HEATR5A: variants seen among roughly 807,000 people sequenced by gnomAD.
The protein encoded by HEATR5A is HEAT repeat containing 5A.
HEATR5A carries 178 observed loss-of-function variants against 218.8 expected under a neutral mutation model. The observed-to-expected ratio is 0.81, with a 90% CI of 0.72 to 0.92. HEATR5A has a LOEUF of 0.92. Ranked by LOEUF, HEATR5A falls within the 40% of genes least tolerant of loss-of-function variation. HEATR5A has a pLI of 0.00. For synonymous variants in HEATR5A, 864 were observed against 871.6 expected, an observed-to-expected ratio of 0.99 and a Z score of 0.15; for missense variants, 2,420 against 2,418.9, an observed-to-expected ratio of 1.00 and a Z score of -0.01.
chr14:31,393,920 T>C (rs2030549883), intron 6 of HEATR5A, 132 bp downstream of exon 6: 2 of 640,850 alleles, frequency 3.1e-6, no homozygotes, highest in African/African-American at 1.9e-5. Context: ...AGTGCTGGGA[T>C]TACAGGTGTG....
chr14:31,412,676 AG>A (rs2031316434), intron 1 of HEATR5A, among the ~76,000 whole-genome samples: 1 of 151,980 alleles, frequency 6.6e-6, no homozygotes, highest in African/African-American at 2.4e-5. Context: ...GGATCACCTG[AG>A]GTCAGGAGTT....
At chr14:31,363,214 G>A (rs1470680131) in intron 14 of HEATR5A, among the ~76,000 whole-genome samples, 3 of 151,630 alleles carry the variant, frequency 2.0e-5, no homozygotes, top group East Asian at 1.9e-4. Context: ...ACTCCAGCCT[G>A]GGGGACAGAG....
chr14:31,406,303 T>C (rs972060407), intron 1 of HEATR5A, among the ~76,000 whole-genome samples: 22 of 152,202 alleles, frequency 1.4e-4, no homozygotes, highest in Admixed American at 6.5e-5. Flanking sequence ...TAAATATATT[T>C]TTCAAAGTAT....
intron 2 of HEATR5A, among the ~76,000 whole-genome samples, chr14:31,402,397 C>A (rs557384499): frequency 2.4e-4 from 36 of 152,214 alleles, no homozygotes; most frequent in African/African-American, 8.2e-4. Context: ...CTTTTTCACA[C>A]TCATGTCATA....
chr14:31,351,968 T>TA (rs934775337), intron 16 of HEATR5A, among the ~76,000 whole-genome samples: 2 of 152,128 alleles, frequency 1.3e-5, no homozygotes, highest in Admixed American at 1.3e-4. Flanking sequence ...ATACACATAC[T>TA]AAAATTTATT....
At chr14:31,298,703 CT>C (rs1192343576) in intron 33 of HEATR5A, among the ~76,000 whole-genome samples, 7 of 152,070 alleles carry the variant, frequency 4.6e-5, no homozygotes, top group Admixed American at 2.6e-4. Flanking sequence ...AATTTTATTC[CT>C]TCTGCCTAGA....
At chr14:31,320,456 G>A (rs74043921) in intron 25 of HEATR5A, 2 of 1,363,706 alleles carry the variant, frequency 1.5e-6, no homozygotes, top group African/African-American at 2.9e-5. Context: ...AGTGTCCCGG[G>A]AGACAACACT....
At chr14:31,380,659 A>G in intron 10 of HEATR5A, 81 bp from the exon 11 acceptor site, 3 of 844,304 alleles carry the variant, frequency 3.6e-6, no homozygotes, top group Non-Finnish European at 5.7e-6. Context: ...AATATCTTGA[A>G]AAATTAATTC....
chr14:31,394,088 ATAT>A lies in HEATR5A; in HGVS notation c.733_735del (p.Ile245del). The A allele has an allele frequency of 6.5e-7, 1 of 1,532,952 alleles. No homozygotes were observed. Among genetic ancestry groups the A allele is most frequent in the South Asian group, 1.2e-5 (1 of 83,354 alleles). 95.0% of individuals were successfully genotyped at this position (1,532,952 alleles called of 1,614,324 possible). Reference sequence around the variant, plus strand: ...TGTTTAGAAATTACAGCTTTAGCTAATATTATGCCTAGTAACTTTGAAACAGAA... The same window carrying A: ...TGTTTAGAAATTACAGCTTTAGCTAATATGCCTAGTAACTTTGAAACAGAA... On this transcript the variant is annotated inframe_deletion, in exon 6 of 36. Coordinates refer to ENST00000543095, the MANE Select transcript of HEATR5A (RefSeq NM_015473.4).
intron 21 of HEATR5A, among the ~76,000 whole-genome samples, chr14:31,342,006 C>T (rs1033737305): frequency 2.6e-5 from 4 of 152,110 alleles, no homozygotes; most frequent in African/African-American, 9.7e-5. Context: ...CCTGTAAGTG[C>T]TGTTTTCCCT....
intron 25 of HEATR5A, chr14:31,320,520 GTT>G: frequency 8.5e-7 from 1 of 1,175,714 alleles, no homozygotes; most frequent in Non-Finnish European, 1.3e-6. Context: ...TAGGAAGGCT[GTT>G]TAGATGAATT....
Position 31,380,507 on chromosome 14 carries a change from T to C in HEATR5A, c.1668A>G (p.Thr556=), listed in dbSNP as rs372688180. The part of the protein sequence containing the change: ...AQNSRLSAQR[T]QAGWLLISAL... ...CAGAAATCAGCAACCATCCAGCTTG[T>C]GTGCGCTGAGCTGAAAGGCGACTGT... Residue 556 remains threonine (T), a synonymous_variant, in exon 11 of 36, where the codon ACA becomes ACG. Transcript: ENST00000543095. The C allele has an allele frequency of 3.2e-5, 52 of 1,609,236 alleles. No homozygotes were observed. Among genetic ancestry groups the C allele is most frequent in the Non-Finnish European group, 4.1e-5 (48 of 1,177,816 alleles).
rs1566754088 is a variant in HEATR5A at position 31,323,618 on chromosome 14, C to G, written c.3734G>C (p.Ser1245Thr). 6.2e-7 allele frequency: 1 copy of G among 1,612,230 alleles called. No homozygotes were observed. The highest frequency in any genetic ancestry group is 2.2e-5 in the East Asian group (1 of 44,836). ...RIINQCENAN[S>T]AHFDIALAQE... ...TGCTAAAGCAATGTCAAAATGTGCA[C>G]TGTTAGCATTCTCACATTGGTTAAT... The change falls in exon 24 of 36, where the codon AGT (serine) becomes ACT (threonine). Residue 1245 changes from serine (S) to threonine (T), a missense_variant. Transcript: ENST00000543095.
chr14:31,304,103 G>A (rs772504383), intron 32 of HEATR5A, among the ~76,000 whole-genome samples: 1 of 152,134 alleles, frequency 6.6e-6, no homozygotes, highest in Non-Finnish European at 1.5e-5. Context: ...TAACTACTCA[G>A]GAGGCCAAGA....
chr14:31,377,648 G>C (rs941180582), intron 11 of HEATR5A, among the ~76,000 whole-genome samples: 3 of 151,962 alleles, frequency 2.0e-5, no homozygotes, highest in South Asian at 2.1e-4. Flanking sequence ...CAGGCAGGGT[G>C]GTGCACACAG....
chr14:31,393,137 A>T (rs965238878), intron 6 of HEATR5A, among the ~76,000 whole-genome samples: 2 of 152,116 alleles, frequency 1.3e-5, no homozygotes, highest in Admixed American at 6.6e-5. Flanking sequence ...ATGCTGCTTT[A>T]AAAAAAAGAA....
At chr14:31,419,267 CTGCT>C (rs922799374) in intron 1 of HEATR5A, among the ~76,000 whole-genome samples, 15 of 151,892 alleles carry the variant, frequency 9.9e-5, no homozygotes, top group African/African-American at 3.1e-4. Context: ...TAAATCCTGC[CTGCT>C]TATCAGTGAA....
chr14:31,380,429 A>T, intron 11 of HEATR5A, 38 bp downstream of exon 11: 1 of 1,257,516 alleles, frequency 8.0e-7, no homozygotes, highest in Non-Finnish European at 1.1e-6. Context: ...GAAAACACAA[A>T]GTATTTCAAG....
rs1248564118 is a variant in HEATR5A, at chr14:31,292,228, T to C, written c.*1077A>G. 1 of 152,334 alleles carries C rather than the reference T, an allele frequency of 6.6e-6. No individual in the cohort carries two copies. The highest frequency in any genetic ancestry group is 1.9e-4 in the East Asian group (1 of 5,188). 9.4% of individuals were successfully genotyped at this position (152,334 alleles called of 1,614,324 possible). A position where few individuals can be genotyped will look rare whatever the true frequency, so the allele number is the denominator to read the frequency against. ...AAACCCATAGTTGATCTAAATACAA[T>C]GTAGATATGAACCTAGGTTAAAACT... On this transcript the variant is annotated 3_prime_UTR_variant, in exon 36 of 36. Coordinates refer to ENST00000543095, the MANE Select transcript of HEATR5A (RefSeq NM_015473.4).
Sources: gnomAD v4.1 joint callset for allele counts (sites outside exome capture counted in the v4.1 genomes callset) on GRCh38, gnomAD v4.1.1 for gene constraint, MANE v1.5 for transcripts, NCBI Gene and HGNC (gene_info 2026-07-23, HGNC 2026-07-21) for gene names.